The following ULK2 variants were observed in gnomAD, a reference collection of about 807,000 sequenced individuals.
ULK2 encodes serine/threonine-protein kinase ULK2.
ULK2 carries 76 observed loss-of-function variants against 127.5 expected under a neutral mutation model. That is an observed-to-expected ratio of 0.60 (90% CI 0.50 to 0.72). ULK2 has a LOEUF of 0.72. Among genes scored for constraint, ULK2 ranks in the 30% least tolerant of loss-of-function variants. ULK2 has a pLI of 0.00. For missense variants in ULK2, 1,144 were observed against 1,295.9 expected (o/e 0.88, Z 1.80); for synonymous variants, 452 against 461.9 (o/e 0.98, Z 0.28).
intron 25 of ULK2, among the ~76,000 whole-genome samples, chr17:19,778,010 T>C (rs2086843555): frequency 6.6e-6 from 1 of 152,220 alleles, no homozygotes; most frequent in Non-Finnish European, 1.5e-5. Context: ...TCATTATAAA[T>C]TGATTTTAAA....
rs774365942 is a variant in ULK2, at chr17:19,797,547, G to A, written c.1658C>T (p.Ser553Phe). The change falls in exon 18 of 27, where the codon TCC (serine) becomes TTC (phenylalanine). Residue 553 changes from serine to phenylalanine, a missense_variant. Physicochemically the swap from Ser to Phe is radical, Grantham distance 155. Coordinates refer to ENST00000395544, the MANE Select transcript of ULK2 (RefSeq NM_014683.4). Reference sequence around the variant, plus strand: ...GTAGCTGTACCCAGCCCCAGTATGGGATGGGCACACGGGGTCAGAGTGCTG... The same window carrying A: ...GTAGCTGTACCCAGCCCCAGTATGGAATGGGCACACGGGGTCAGAGTGCTG... ...RKQHSDPVCP[S>F]HTGAGYSYSP... is the part of the protein sequence containing the mutation. The A allele has an allele frequency of 3.7e-6, 6 of 1,613,998 alleles. No individual in the cohort carries two copies. The highest frequency in any genetic ancestry group is 5.1e-6 in the Non-Finnish European group (6 of 1,180,034).
chr17:19,816,132 C>G (rs2152390238), intron 13 of ULK2, among the ~76,000 whole-genome samples: 1 of 152,318 alleles, frequency 6.6e-6, no homozygotes, highest in Admixed American at 6.5e-5. Context: ...ATAATCAGCA[C>G]TTGATATTAT....
intron 13 of ULK2, chr17:19,816,546 A>C (rs2040993411): frequency 2.6e-6 from 1 of 384,572 alleles, no homozygotes. Context: ...ATGTACCTTC[A>C]GAATCCAAAA....
intron 13 of ULK2, among the ~76,000 whole-genome samples, chr17:19,815,184 AG>A (rs748500979): frequency 6.6e-6 from 1 of 152,204 alleles, no homozygotes; most frequent in African/African-American, 2.4e-5. Context: ...TGAAATCTAC[AG>A]GAAGAATATA....
intron 14 of ULK2, among the ~76,000 whole-genome samples, chr17:19,805,560 C>CT (rs1330398949): frequency 1.3e-5 from 2 of 152,136 alleles, no homozygotes; most frequent in Non-Finnish European, 2.9e-5. Context: ...TCCATTCAGC[C>CT]TTTATGTCTT....
At chr17:19,808,482 C>T (rs1461002855) in intron 14 of ULK2, among the ~76,000 whole-genome samples, 1 of 152,074 alleles carries the variant, frequency 6.6e-6, no homozygotes, top group Non-Finnish European at 1.5e-5. Flanking sequence ...CACAAAGAGT[C>T]AAAAGACAAC....
intron 22 of ULK2, among the ~76,000 whole-genome samples, chr17:19,782,833 T>C (rs924834511): frequency 1.3e-5 from 2 of 152,104 alleles, no homozygotes; most frequent in African/African-American, 4.8e-5. Flanking sequence ...GGAGAGTGGC[T>C]TGAACCCAGG....
At chr17:19,810,906 T>A (rs1419873589) in intron 13 of ULK2, 1 of 152,516 alleles carries the variant, frequency 6.6e-6, no homozygotes, top group East Asian at 1.9e-4. Flanking sequence ...AAATGTCGGA[T>A]TACCCCATCC....
At position 19,779,715 on chromosome 17, in the gene ULK2, T is replaced by C. The variant is rs1271379917; in HGVS notation, c.2916+757A>G. 1.1e-4 allele frequency among the ~76,000 whole-genome samples: 16 copies of C among 152,126 alleles called. 1 individual carries two copies. On this transcript the variant is annotated intron_variant, in intron 25 of 26. Transcript: ENST00000395544. The stretch of plus-strand genomic sequence containing the variant: ...GAAAATAGGAAAAGAAGGTTTTACT[T>C]TGTGTCTATCCTACAATATCAGTAA...
chr17:19,841,314 C>A (rs1012446334), intron 9 of ULK2, among the ~76,000 whole-genome samples, 175 bp downstream of exon 9: 5 of 152,108 alleles, frequency 3.3e-5, no homozygotes, highest in Admixed American at 2.0e-4. Context: ...GAAAAGAGTA[C>A]AGCACTACAC....
intron 12 of ULK2, among the ~76,000 whole-genome samples, chr17:19,818,040 C>T (rs955931435): frequency 6.6e-6 from 1 of 152,056 alleles, no homozygotes; most frequent in Admixed American, 6.6e-5. Flanking sequence ...ACGGCTCACA[C>T]CTGTAATTCC....
Position 19,804,740 on chromosome 17 carries a change from A to G in ULK2, c.1248T>C (p.Asn416=), listed in dbSNP as rs2087477601. 6.2e-7 allele frequency: 1 copy of G among 1,611,078 alleles called. No homozygotes were observed. Among genetic ancestry groups the G allele is most frequent in the African/African-American group, 1.3e-5 (1 of 74,848 alleles). The change falls in exon 15 of 27, where the codon AAT becomes AAC. Residue 416 remains asparagine (N), a synonymous_variant. Coordinates refer to ENST00000395544, the MANE Select transcript of ULK2 (RefSeq NM_014683.4). The part of the protein sequence containing the change: ...QIRNYQRIEQ[N]LTSTASSGTN... ...TGCCTGAGCTGGCAGTAGATGTAAGATTCTGCTCTATGCGCTGATAATTCC... is the reference window on the plus strand; with the variant it reads ...TGCCTGAGCTGGCAGTAGATGTAAGGTTCTGCTCTATGCGCTGATAATTCC...
At chr17:19,776,528 T>C in intron 26 of ULK2, 121 bp from the exon 27 acceptor site, 3 of 930,244 alleles carry the variant, frequency 3.2e-6, no homozygotes, top group Non-Finnish European at 3.1e-6. Flanking sequence ...TGCTTGGTAA[T>C]AGTTTAGATA....
At chr17:19,840,243 A>G (rs2041710304) in intron 9 of ULK2, 1 of 512,638 alleles carries the variant, frequency 2.0e-6, no homozygotes, top group Non-Finnish European at 4.0e-6. Context: ...GTTGGCCATA[A>G]GAGCCGGGCT....
intron 18 of ULK2, 62 bp from the exon 19 acceptor site, chr17:19,796,344 G>A (rs542392785): frequency 1.7e-4 from 235 of 1,407,192 alleles, no homozygotes; most frequent in Non-Finnish European, 1.6e-4. Flanking sequence ...GAACTATTCA[G>A]TACTGGCAGG....
chr17:19,843,226 G>A lies in ULK2; in HGVS notation c.544-4C>T. The A allele has an allele frequency of 6.5e-7, 1 of 1,538,772 alleles. No homozygotes were observed. Among genetic ancestry groups the A allele is most frequent in the Non-Finnish European group, 8.7e-7 (1 of 1,150,246 alleles). On this transcript the variant is annotated splice_polypyrimidine_tract_variant and splice_region_variant and intron_variant, in intron 7 of 26. Transcript: ENST00000395544. Reference sequence around the variant, plus strand: ...GAGACATAATAACCTCAGGAGCCTGGGAACAGAAAAATTTAAGGGGCATGC... The same window carrying A: ...GAGACATAATAACCTCAGGAGCCTGAGAACAGAAAAATTTAAGGGGCATGC...
chr17:19,790,980 C>T (rs780253332), intron 20 of ULK2, among the ~76,000 whole-genome samples: 2 of 152,184 alleles, frequency 1.3e-5, no homozygotes, highest in African/African-American at 2.4e-5. Flanking sequence ...TATATACGCA[C>T]CCTACACGAG....
At chr17:19,789,590 A>G (rs1015272117) in intron 20 of ULK2, among the ~76,000 whole-genome samples, 39 of 152,206 alleles carry the variant, frequency 2.6e-4, no homozygotes, top group Non-Finnish European at 4.7e-4. Flanking sequence ...AAACAGATAC[A>G]TAACCTTTCA....
chr17:19,856,510 A>G (rs936598442), intron 3 of ULK2, among the ~76,000 whole-genome samples: 2 of 151,650 alleles, frequency 1.3e-5, no homozygotes, highest in South Asian at 2.1e-4. Flanking sequence ...GGAACCTGGG[A>G]GGCAGAGCTT....
Sources: allele counts gnomAD v4.1 joint callset (sites outside exome capture counted in the v4.1 genomes callset), GRCh38; gene constraint gnomAD v4.1.1; transcripts MANE v1.5; gene names NCBI Gene and HGNC (gene_info 2026-07-23, HGNC 2026-07-21).